The following BTBD16 variants were observed in gnomAD, a reference collection of about 807,000 sequenced individuals.
The protein encoded by BTBD16 is BTB/POZ domain-containing protein 16.
BTBD16 carries 66 observed loss-of-function variants against 67.4 expected under a neutral mutation model. The observed-to-expected ratio is 0.98, with a 90% CI of 0.80 to 1.20. The LOEUF (loss-of-function observed/expected upper bound fraction) is 1.20. Among genes scored for constraint, BTBD16 ranks in the 50% most tolerant of loss-of-function variants. The pLI is 0.00. For missense variants in BTBD16, 634 were observed against 616.0 expected, an observed-to-expected ratio of 1.03 and a Z score of -0.31; for synonymous variants, 242 against 236.4, an observed-to-expected ratio of 1.02 and a Z score of -0.22.
chr10:122,304,326 G>A (rs768371259), intron 9 of BTBD16, among the ~76,000 whole-genome samples: 11 of 152,256 alleles, frequency 7.2e-5, no homozygotes, highest in Non-Finnish European at 1.2e-4. Flanking sequence ...TTAGAGTCAC[G>A]GTTTGTCTTT....
intron 10 of BTBD16, among the ~76,000 whole-genome samples, chr10:122,312,303 CTTTTTCTTTTT>C (rs1455304601): frequency 2.3e-5 from 3 of 130,586 alleles, no homozygotes; most frequent in Admixed American, 8.4e-5. Flanking sequence ...TTTTCTTTTT[CTTTTTCTTTTT>C]TTTTTTTTTT....
intron 4 of BTBD16, among the ~76,000 whole-genome samples, chr10:122,285,550 C>A (rs887791090): frequency 6.6e-6 from 1 of 152,106 alleles, no homozygotes; most frequent in Non-Finnish European, 1.5e-5. Context: ...GGCTTCATTG[C>A]GGACACTTGG....
chr10:122,282,349 T>G (rs1311165500), intron 3 of BTBD16, among the ~76,000 whole-genome samples: 1 of 152,158 alleles, frequency 6.6e-6, no homozygotes, highest in Non-Finnish European at 1.5e-5. Context: ...AATAAGCAAG[T>G]CCAGCTCCCA....
intron 1 of BTBD16, among the ~76,000 whole-genome samples, chr10:122,274,248 C>G (rs996827997): frequency 6.6e-6 from 1 of 152,198 alleles, no homozygotes; most frequent in African/African-American, 2.4e-5. Context: ...AAGAGTGGGC[C>G]CCTGAGCTAA....
intron 9 of BTBD16, among the ~76,000 whole-genome samples, chr10:122,302,993 G>A (rs1278551098): frequency 6.6e-6 from 1 of 151,748 alleles, no homozygotes; most frequent in Non-Finnish European, 1.5e-5. Flanking sequence ...CCTTATTGAT[G>A]GTCAAGAACA....
intron 5 of BTBD16, among the ~76,000 whole-genome samples, chr10:122,287,168 G>T (rs2096365497): frequency 1.3e-5 from 2 of 152,202 alleles, no homozygotes; most frequent in Non-Finnish European, 2.9e-5. Flanking sequence ...CTGCAGAACT[G>T]CAACAAGCTT....
At chr10:122,290,174 CT>C (rs1168295114) in intron 6 of BTBD16, among the ~76,000 whole-genome samples, 176 bp downstream of exon 6, 2 of 152,130 alleles carry the variant, frequency 1.3e-5, no homozygotes, top group African/African-American at 4.8e-5. Flanking sequence ...GCTAGGGTGA[CT>C]TGGGGAAATG....
intron 10 of BTBD16, among the ~76,000 whole-genome samples, chr10:122,310,228 A>G (rs1327377695): frequency 6.6e-6 from 1 of 152,216 alleles, no homozygotes; most frequent in East Asian, 1.9e-4. Flanking sequence ...CACCAGCCCA[A>G]GAAGGATTCT....
At chr10:122,327,268 T>G (rs1261614320) in intron 10 of BTBD16, among the ~76,000 whole-genome samples, 1 of 152,148 alleles carries the variant, frequency 6.6e-6, no homozygotes, top group Non-Finnish European at 1.5e-5. Context: ...CTTGGGTGAT[T>G]TGGAGGGTGG....
chr10:122,308,339 G>A (rs1172331698), intron 10 of BTBD16, among the ~76,000 whole-genome samples: 1 of 152,162 alleles, frequency 6.6e-6, no homozygotes, highest in Non-Finnish European at 1.5e-5. Flanking sequence ...TGGAGTGGCA[G>A]GCACAGGGGT....
chr10:122,291,870 G>C (rs1333906320), intron 7 of BTBD16, among the ~76,000 whole-genome samples: 1 of 152,144 alleles, frequency 6.6e-6, no homozygotes, highest in Non-Finnish European at 1.5e-5. Flanking sequence ...GGTTCATCAG[G>C]GTGTGTTGGG....
At chr10:122,303,047 T>G (rs2096397069) in intron 9 of BTBD16, among the ~76,000 whole-genome samples, 1 of 152,212 alleles carries the variant, frequency 6.6e-6, no homozygotes, top group Admixed American at 6.6e-5. Context: ...GTATATCTCC[T>G]TGTAGTTTCT....
intron 14 of BTBD16, among the ~76,000 whole-genome samples, chr10:122,335,181 G>A (rs781693624): frequency 2.6e-5 from 4 of 152,220 alleles, no homozygotes; most frequent in African/African-American, 2.4e-5. Flanking sequence ...AGCCCATTTA[G>A]CGGATGAGGA....
At chr10:122,323,915 G>C (rs1415912025) in intron 10 of BTBD16, among the ~76,000 whole-genome samples, 1 of 152,156 alleles carries the variant, frequency 6.6e-6, no homozygotes. Context: ...AATCATAACA[G>C]ACATGTAATT....
chr10:122,281,065 C>T (rs1203240549), intron 3 of BTBD16, among the ~76,000 whole-genome samples: 3 of 152,122 alleles, frequency 2.0e-5, no homozygotes, highest in African/African-American at 7.2e-5. Context: ...CCTCAGCCTC[C>T]CAAAGTATTG....
chr10:122,284,001 A>C, intron 4 of BTBD16, 77 bp downstream of exon 4: 1 of 1,088,570 alleles, frequency 9.2e-7, no homozygotes, highest in Non-Finnish European at 1.4e-6. Context: ...ATGGAAGGAG[A>C]CCAGTCCATA....
At chr10:122,337,840 G>A (rs1364111926) in intron 15 of BTBD16, among the ~76,000 whole-genome samples, 177 bp from the exon 16 acceptor site, 1 of 152,230 alleles carries the variant, frequency 6.6e-6, no homozygotes, top group Non-Finnish European at 1.5e-5. Flanking sequence ...TTGTGTTTAA[G>A]TTATTCCTAA....
At chr10:122,297,936 A>G in intron 8 of BTBD16, 99 bp downstream of exon 8, 1 of 1,030,662 alleles carries the variant, frequency 9.7e-7, no homozygotes, top group Non-Finnish European at 1.5e-6. Flanking sequence ...TCCCCCCAGA[A>G]TATCTATTTG....
At chr10:122,283,557 T>C (rs954189620) in intron 3 of BTBD16, among the ~76,000 whole-genome samples, 7 of 152,178 alleles carry the variant, frequency 4.6e-5, no homozygotes, top group Non-Finnish European at 8.8e-5. Flanking sequence ...CTAGATAATG[T>C]TTTAGACACT....
Sources: allele counts gnomAD v4.1 joint callset (sites outside exome capture counted in the v4.1 genomes callset), GRCh38; gene constraint gnomAD v4.1.1; transcripts MANE v1.5; gene names NCBI Gene and HGNC (gene_info 2026-07-23, HGNC 2026-07-21).